AGBL1: variants seen among roughly 807,000 people sequenced by gnomAD.
The protein encoded by AGBL1 is cytosolic carboxypeptidase 4.
AGBL1 carries 130 observed loss-of-function variants against 118.9 expected under a neutral mutation model. The ratio of observed to expected loss-of-function variants is 1.09; its 90% CI spans 0.95 to 1.26. AGBL1 has a LOEUF of 1.26. Ranked by LOEUF, AGBL1 falls within the 50% of genes most tolerant of loss-of-function variation. The probability of loss-of-function intolerance (pLI) is 0.00; values close to 1 mark genes in which losing one functional copy is unlikely to be tolerated. For missense variants in AGBL1, 1,584 were observed against 1,298.1 expected, an observed-to-expected ratio of 1.22 and a Z score of -3.38; for synonymous variants, 555 against 478.9, an observed-to-expected ratio of 1.16 and a Z score of -2.08.
chr15:86,402,388 A>T (rs1009962858), intron 18 of AGBL1, among the ~76,000 whole-genome samples: 1 of 152,158 alleles, frequency 6.6e-6, no homozygotes, highest in South Asian at 2.1e-4. Context: ...GTATATAATC[A>T]TATCACTGGC....
At chr15:87,024,206 GA>G (rs1298261079) in intron 24 of AGBL1, among the ~76,000 whole-genome samples, 1 of 151,912 alleles carries the variant, frequency 6.6e-6, no homozygotes, top group Non-Finnish European at 1.5e-5. Context: ...CTGGTTCTTT[GA>G]AAAGATAAAT....
At chr15:86,929,573 T>TC (rs930454864) in intron 23 of AGBL1, among the ~76,000 whole-genome samples, 6 of 150,864 alleles carry the variant, frequency 4.0e-5, no homozygotes, top group South Asian at 2.2e-4. Flanking sequence ...ATGAAGAGAT[T>TC]CCCAGTCTAG....
intron 18 of AGBL1, among the ~76,000 whole-genome samples, chr15:86,469,457 C>T (rs2082450206): frequency 6.6e-6 from 1 of 152,100 alleles, no homozygotes; most frequent in Non-Finnish European, 1.5e-5. Context: ...ATGTATGGGT[C>T]ACATTTTCTT....
chr15:86,454,342 A>C (rs1263822265), intron 18 of AGBL1, among the ~76,000 whole-genome samples: 1 of 152,202 alleles, frequency 6.6e-6, no homozygotes, highest in African/African-American at 2.4e-5. Context: ...ACTCATATAC[A>C]GCCACTTTGG....
At chr15:86,721,193 CA>C (rs888854162) in intron 22 of AGBL1, among the ~76,000 whole-genome samples, 2 of 150,468 alleles carry the variant, frequency 1.3e-5, no homozygotes, top group African/African-American at 2.4e-5. Context: ...AGAGACACAA[CA>C]AAAAAAAAGA....
At chr15:86,144,596 A>G (rs533872849) in intron 3 of AGBL1, among the ~76,000 whole-genome samples, 4 of 152,308 alleles carry the variant, frequency 2.6e-5, no homozygotes, top group Admixed American at 2.0e-4. Context: ...GTCACTTACA[A>G]GTGGGAGCTA....
Position 86,731,003 on chromosome 15 carries a change from A to G in AGBL1, c.3158+56567A>G, listed in dbSNP as rs116489706. Among the ~76,000 whole-genome samples the G allele has an allele frequency of 5.1e-3, 773 of 151,754 alleles. 6 individuals carry two copies. The highest frequency in any genetic ancestry group is 0.017 in the African/African-American group (708 of 41,372). On this transcript the variant is annotated intron_variant, in intron 22 of 22. Transcript: ENST00000614907. The stretch of plus-strand genomic sequence containing the variant: ...CCACCATGCCAAGCTAATTTTTTTT[A>G]TATTTTTAATAGAGACATGGTTTCA...
intron 22 of AGBL1, among the ~76,000 whole-genome samples, chr15:86,846,929 C>T (rs2079327799): frequency 6.6e-6 from 1 of 152,078 alleles, no homozygotes; most frequent in African/African-American, 2.4e-5. Flanking sequence ...TGTATTGACA[C>T]CCTTTAAGTT....
rs78089854 is a variant in AGBL1 at position 86,770,560 on chromosome 15, C to T, written c.3158+96124C>T. Among the ~76,000 whole-genome samples the T allele has an allele frequency of 2.2e-3, 340 of 151,928 alleles. 3 individuals carry two copies. The highest frequency in any genetic ancestry group is 7.5e-3 in the African/African-American group (310 of 41,446). On this transcript the variant is annotated intron_variant, in intron 22 of 22. Coordinates refer to ENST00000614907, the MANE Select transcript of AGBL1 (RefSeq NM_001386094.1). ...CTGAACCAGAAATTAAGAAAGACAC[C>T]GCAATTGCACGATGGAGGATTGAGT...
At chr15:87,015,351 C>CTGT (rs2081598997) in intron 24 of AGBL1, among the ~76,000 whole-genome samples, 1 of 151,928 alleles carries the variant, frequency 6.6e-6, no homozygotes, top group African/African-American at 2.4e-5. Flanking sequence ...TATCTTTCTG[C>CTGT]CTGTCTGTCT....
At position 86,662,392 on chromosome 15, in the gene AGBL1, G is replaced by A. The variant is rs544692950; in HGVS notation, c.2995-11881G>A. ...GTAGATAATATTTTCCCATTTTTAA[G>A]AAGAGGACATTGAACTTGAAGAGCT... On this transcript the variant is annotated intron_variant, in intron 21 of 22. Transcript: ENST00000614907. Among the ~76,000 whole-genome samples the A allele has an allele frequency of 1.3e-4, 20 of 152,344 alleles. No individual in the cohort carries two copies. The South Asian group carries it at 3.5e-3, about 27-fold the overall frequency.
At chr15:86,392,543 C>G (rs997986433) in intron 17 of AGBL1, among the ~76,000 whole-genome samples, 3 of 152,030 alleles carry the variant, frequency 2.0e-5, no homozygotes, top group African/African-American at 4.8e-5. Flanking sequence ...TGCAGAGTGC[C>G]AGTAGAAGCT....
chr15:86,512,700 G>T (rs2083066883), intron 18 of AGBL1, among the ~76,000 whole-genome samples: 1 of 151,676 alleles, frequency 6.6e-6, no homozygotes, highest in South Asian at 2.1e-4. Context: ...TTCAATATTT[G>T]TCACTTTGCC....
intron 21 of AGBL1, among the ~76,000 whole-genome samples, chr15:86,589,576 A>C (rs1235536772): frequency 6.6e-6 from 1 of 152,152 alleles, no homozygotes; most frequent in Non-Finnish European, 1.5e-5. Context: ...GATAGAAGGG[A>C]AGTCCAATTA....
chr15:86,555,520 A>T (rs2083721771), intron 21 of AGBL1, among the ~76,000 whole-genome samples: 1 of 152,204 alleles, frequency 6.6e-6, no homozygotes, highest in South Asian at 2.1e-4. Flanking sequence ...CACCCTTTTG[A>T]CTATTAATTC....
intron 18 of AGBL1, among the ~76,000 whole-genome samples, chr15:86,491,282 G>A (rs1596183817): frequency 6.6e-6 from 1 of 152,122 alleles, no homozygotes; most frequent in East Asian, 1.9e-4. Flanking sequence ...AAACAGCATG[G>A]TATATGTGGA....
chr15:86,092,738 A>G (rs1896115756), intron 1 of AGBL1, among the ~76,000 whole-genome samples: 1 of 152,124 alleles, frequency 6.6e-6, no homozygotes, highest in African/African-American at 2.4e-5. Context: ...TTCATGCTGC[A>G]TCATGATGTG....
At chr15:86,536,799 G>A (rs951647625) in intron 19 of AGBL1, among the ~76,000 whole-genome samples, 4 of 152,164 alleles carry the variant, frequency 2.6e-5, no homozygotes, top group African/African-American at 9.7e-5. Context: ...CAGAGCTAGT[G>A]GAAATAGGTG....
chr15:86,444,878 G>A (rs2082103705), intron 18 of AGBL1, among the ~76,000 whole-genome samples: 1 of 152,182 alleles, frequency 6.6e-6, no homozygotes. Context: ...GTTAAATTGT[G>A]AGTTCACTTA....
Sources: gnomAD v4.1 joint callset for allele counts (sites outside exome capture counted in the v4.1 genomes callset) on GRCh38, gnomAD v4.1.1 for gene constraint, MANE v1.5 for transcripts, NCBI Gene and HGNC (gene_info 2026-07-23, HGNC 2026-07-21) for gene names.